PDE4D: variants seen among roughly 807,000 people sequenced by gnomAD.
PDE4D encodes the protein 3',5'-cyclic-AMP phosphodiesterase 4D.
A neutral mutation model predicts 87.4 loss-of-function variants in PDE4D; 24 were observed. That is an observed-to-expected ratio of 0.27 (90% CI 0.20 to 0.39). The LOEUF is 0.39. PDE4D is among the 10% of genes least tolerant of loss of function. The probability of loss-of-function intolerance (pLI) is 1.00; values close to 1 mark genes in which losing one functional copy is unlikely to be tolerated. For missense variants in PDE4D, 714 were observed against 1,041.0 expected (o/e 0.69, Z 4.32); for synonymous variants, 384 against 383.2 (o/e 1.00, Z -0.02).
At chr5:60,415,137 T>G (rs1462365598) in intron 1 of PDE4D, among the ~76,000 whole-genome samples, 1 of 152,206 alleles carries the variant, frequency 6.6e-6, no homozygotes, top group African/African-American at 2.4e-5. Flanking sequence ...TGTGCATGGG[T>G]TCCCTTCTTT....
chr5:60,350,633 C>G (rs1759101477), intron 1 of PDE4D, among the ~76,000 whole-genome samples: 1 of 152,140 alleles, frequency 6.6e-6, no homozygotes, highest in South Asian at 2.1e-4. Context: ...ATTGCTCAGT[C>G]CCAGGATGTT....
At chr5:59,407,122 AG>A (rs1345440560) in intron 1 of PDE4D, among the ~76,000 whole-genome samples, 2 of 152,110 alleles carry the variant, frequency 1.3e-5, no homozygotes, top group African/African-American at 4.8e-5. Context: ...TCAGTGTTGG[AG>A]GTGGGGCCTG....
chr5:59,535,286 C>A (rs1357420603), intron 1 of PDE4D, among the ~76,000 whole-genome samples: 2 of 152,116 alleles, frequency 1.3e-5, no homozygotes, highest in Non-Finnish European at 2.9e-5. Context: ...GTCCTGTCCC[C>A]AGAAAGTCTG....
At chr5:60,314,660 C>A (rs540907082) in intron 1 of PDE4D, among the ~76,000 whole-genome samples, 126 of 152,094 alleles carry the variant, frequency 8.3e-4, no homozygotes, top group African/African-American at 3.0e-3. Flanking sequence ...CAACAGGCCC[C>A]AGTGTGTGAT....
chr5:59,710,679 C>G (rs1167946892), intron 1 of PDE4D, among the ~76,000 whole-genome samples: 2 of 151,982 alleles, frequency 1.3e-5, no homozygotes, highest in East Asian at 3.9e-4. Context: ...CCTGATTAAC[C>G]TTTTAGGAGA....
At chr5:59,930,809 T>C (rs1755826949) in intron 3 of PDE4D, among the ~76,000 whole-genome samples, 1 of 152,198 alleles carries the variant, frequency 6.6e-6, no homozygotes, top group Non-Finnish European at 1.5e-5. Context: ...GAAATGATTG[T>C]TTGAAACAAT....
At chr5:60,410,575 A>G (rs774903862) in intron 1 of PDE4D, among the ~76,000 whole-genome samples, 4 of 152,256 alleles carry the variant, frequency 2.6e-5, no homozygotes. Context: ...TTCTCCGCCC[A>G]TCTGGATGAG....
At chr5:60,106,880 G>C (rs1051468536) in intron 2 of PDE4D, among the ~76,000 whole-genome samples, 1 of 151,222 alleles carries the variant, frequency 6.6e-6, no homozygotes, top group African/African-American at 2.4e-5. Context: ...GAAATTTATA[G>C]CACTAAATGC....
chr5:60,052,488 C>A (rs1438042886), intron 2 of PDE4D, among the ~76,000 whole-genome samples: 2 of 151,990 alleles, frequency 1.3e-5, no homozygotes, highest in Non-Finnish European at 2.9e-5. Context: ...AAATTCAACA[C>A]CCCTTCATGC....
At chr5:59,250,846 G>T (rs1233120409) in intron 1 of PDE4D, among the ~76,000 whole-genome samples, 1 of 152,072 alleles carries the variant, frequency 6.6e-6, no homozygotes, top group Non-Finnish European at 1.5e-5. Flanking sequence ...TAGACCAATG[G>T]ATCAGAATAG....
intron 1 of PDE4D, among the ~76,000 whole-genome samples, chr5:59,817,019 G>A (rs548233002): frequency 6.6e-6 from 1 of 152,320 alleles, no homozygotes; most frequent in East Asian, 1.9e-4. Flanking sequence ...GTGAGCAGGG[G>A]TAAATCATCG....
At chr5:59,426,682 C>T (rs754280613) in intron 1 of PDE4D, among the ~76,000 whole-genome samples, 6 of 152,080 alleles carry the variant, frequency 3.9e-5, no homozygotes, top group Non-Finnish European at 4.4e-5. Context: ...ACATGACACC[C>T]GGCTGTGAAA....
chr5:59,696,586 G>T (rs1050016444), intron 1 of PDE4D, among the ~76,000 whole-genome samples: 6 of 152,190 alleles, frequency 3.9e-5, no homozygotes, highest in African/African-American at 1.4e-4. Flanking sequence ...TGTTGGAAAA[G>T]TAAGTACATC....
intron 1 of PDE4D, among the ~76,000 whole-genome samples, chr5:59,696,053 T>C (rs1473271910): frequency 6.6e-6 from 1 of 152,238 alleles, no homozygotes; most frequent in African/African-American, 2.4e-5. Context: ...AAATAAAATA[T>C]GATTTACACA....
At chr5:59,281,059 A>T (rs1765711661) in intron 1 of PDE4D, among the ~76,000 whole-genome samples, 1 of 151,996 alleles carries the variant, frequency 6.6e-6, no homozygotes, top group African/African-American at 2.4e-5. Context: ...TTCCATGGAG[A>T]GGGATGCAAA....
At chr5:60,274,779 A>C (rs1751199756) in intron 1 of PDE4D, among the ~76,000 whole-genome samples, 1 of 152,218 alleles carries the variant, frequency 6.6e-6, no homozygotes, top group South Asian at 2.1e-4. Context: ...TGTACCATAA[A>C]GCTATCTAGA....
upstream of PDE4D, chr5:59,893,805 C>T (rs1045994966): frequency 1.1e-5 from 14 of 1,329,974 alleles, no homozygotes; most frequent in African/African-American, 1.6e-5. Context: ...GCCCTGCCAG[C>T]GGGAGGGGTC....
intron 1 of PDE4D, among the ~76,000 whole-genome samples, chr5:59,487,988 G>A (rs929887625): frequency 1.3e-5 from 2 of 152,046 alleles, no homozygotes; most frequent in Non-Finnish European, 2.9e-5. Context: ...CAGACACACA[G>A]TGTGTACACA....
intron 5 of PDE4D, 190 bp downstream of exon 5, chr5:59,180,405 C>T (rs751886137): frequency 4.2e-6 from 3 of 713,986 alleles, no homozygotes; most frequent in South Asian, 1.5e-5. Context: ...AAACGTAAAT[C>T]GGTAAAAATG....
Sources: gnomAD v4.1 joint callset for allele counts (sites outside exome capture counted in the v4.1 genomes callset) on GRCh38, gnomAD v4.1.1 for gene constraint, MANE v1.5 for transcripts, NCBI Gene and HGNC (gene_info 2026-07-23, HGNC 2026-07-21) for gene names.